The following IRX4 variants were observed in gnomAD, a reference collection of about 807,000 sequenced individuals.
IRX4 encodes the protein iroquois homeobox 4.
A neutral mutation model predicts 32.0 loss-of-function variants in IRX4; 22 were observed. The observed-to-expected ratio is 0.69, with a 90% CI of 0.49 to 0.98. The LOEUF is 0.98. IRX4 is among the 50% of genes least tolerant of loss of function. The pLI is 0.00. For synonymous variants in IRX4, 379 were observed against 351.7 expected (o/e 1.08, Z -0.87); for missense variants, 840 against 744.2 (o/e 1.13, Z -1.50).
intron 3 of IRX4, 104 bp downstream of exon 3, chr5:1,880,621 C>T: frequency 1.3e-6 from 1 of 789,632 alleles, no homozygotes; most frequent in South Asian, 1.5e-5. Flanking sequence ...TCTCTTCCTG[C>T]CTCCCGCCTT....
Position 1,880,800 on chromosome 5 carries a change from G to T in IRX4, c.332C>A (p.Ala111Glu). The stretch of plus-strand genomic sequence containing the variant: ...AGCGGCTGGTGCCAGGCCCCCATGC[G>T]CAGATCCCGAACCATCCTTGGAATC... ...SFDSKDGSGS[A>E]HGGLAPAAAA... The change falls in exon 3 of 5, where the codon GCG becomes GAG. Residue 111 changes from alanine to glutamate, a missense_variant. Around this residue, in one of 3 missense-constraint regions of IRX4, gnomAD observed 241 missense variants for 220.8 expected, o/e 1.09. Transcript: ENST00000231357. 6.2e-7 allele frequency: 1 copy of T among 1,613,692 alleles called. No individual in the cohort carries two copies. The highest frequency in any genetic ancestry group is 8.5e-7 in the Non-Finnish European group (1 of 1,179,960).
In IRX4 at chr5:1,882,118, C is replaced by A. The variant is rs1478289036; in HGVS notation, c.46-59G>T. ...CCGGGCTGGAGGCTGGGGCCCTGGGCCTTGCCAATCCCGCGCGCCGCCCAC... is the reference window on the plus strand; with the variant it reads ...CCGGGCTGGAGGCTGGGGCCCTGGGACTTGCCAATCCCGCGCGCCGCCCAC... On this transcript the variant is annotated intron_variant, in intron 1 of 4. Transcript: ENST00000231357. 10 of 1,501,048 alleles carry A rather than the reference C, an allele frequency of 6.7e-6. No homozygotes were observed. The Admixed American group carries it at 1.7e-4, about 25-fold the overall frequency. 93.0% of individuals were successfully genotyped at this position (1,501,048 alleles called of 1,614,324 possible).
At chr5:1,886,218 CAGG>C (rs1735624749), upstream of IRX4, among the ~76,000 whole-genome samples, 1 of 152,266 alleles carries the variant, frequency 6.6e-6, no homozygotes, top group Non-Finnish European at 1.5e-5. Context: ...CCTGGTGCTT[CAGG>C]AGTTACCCTG....
upstream of IRX4, among the ~76,000 whole-genome samples, chr5:1,885,082 G>A (rs945879054): frequency 6.6e-6 from 1 of 152,196 alleles, no homozygotes; most frequent in African/African-American, 2.4e-5. Context: ...CTCGGCGACT[G>A]TGAGCACTCC....
chr5:1,882,024 G>C lies in IRX4; in HGVS notation c.81C>G (p.Cys27Trp). The C allele has an allele frequency of 1.9e-6, 3 of 1,549,306 alleles. No homozygotes were observed. Among genetic ancestry groups the C allele is most frequent in the Admixed American group, 4.0e-5 (2 of 50,498 alleles). ...CCGCCAGCGTGCGGCCTCCGGACTC[G>C]CAGCACGTGCTCAGGGAGTTGGTGG... ...LMATNSLSTCCESGGRTLADS... is the reference protein window; with the variant it reads ...LMATNSLSTCWESGGRTLADS... Residue 27 changes from cysteine (C) to tryptophan (W), a missense_variant, in exon 2 of 5, where the codon TGC becomes TGG. By Grantham distance (215) the Cys-to-Trp change is radical (BLOSUM62 -2). Coordinates refer to ENST00000231357, the MANE Select transcript of IRX4 (RefSeq NM_016358.3).
At chr5:1,882,104 G>T (rs763032547) in intron 1 of IRX4, 45 bp from the exon 2 acceptor site, 67 of 1,531,068 alleles carry the variant, frequency 4.4e-5, no homozygotes, top group Non-Finnish European at 5.0e-5. Context: ...CGGGCTGGAG[G>T]CTGGGGCCCT....
At chr5:1,879,108 C>G (rs2111436646) in intron 4 of IRX4, among the ~76,000 whole-genome samples, 1 of 152,084 alleles carries the variant, frequency 6.6e-6, no homozygotes. Context: ...TCTCCTGCCT[C>G]AGCCTCCCGA....
Position 1,878,124 on chromosome 5 carries a change from G to A in IRX4, c.1405C>T (p.Pro469Ser). 6.5e-7 allele frequency: 1 copy of A among 1,546,876 alleles called. No individual in the cohort carries two copies. The highest frequency in any genetic ancestry group is 1.4e-5 in the African/African-American group (1 of 73,394). ...TAKGALLDPG[P>S]LGRSLGAGAN... The stretch of plus-strand genomic sequence containing the variant: ...CCCGCCCCCAGCGAGCGTCCCAGAG[G>A]CCCGGGGTCCAGGAGGGCGCCCTTG... Residue 469 changes from proline to serine, a missense_variant, in exon 5 of 5, where the codon CCT (proline) becomes TCT (serine). Around this residue, in one of 3 missense-constraint regions of IRX4, gnomAD observed 585 missense variants for 488.0 expected, o/e 1.20. Transcript: ENST00000231357.
chr5:1,880,773 GCAGCGGCTGGTGC>G lies in IRX4; in HGVS notation c.346_358del (p.Ala116ProfsTer65). Reference sequence around the variant, plus strand: ...AGCTGGCTCGTAAGGGTAGTAGGCGGCAGCGGCTGGTGCCAGGCCCCCATGCGCAGATCCCGAA... The same window carrying G: ...AGCTGGCTCGTAAGGGTAGTAGGCGGCAGGCCCCCATGCGCAGATCCCGAA... On this transcript the variant is annotated frameshift_variant, in exon 3 of 5. Transcript: ENST00000231357. LOFTEE classifies it high-confidence loss of function. 1.2e-6 allele frequency: 2 copies of G among 1,613,738 alleles called. No individual in the cohort carries two copies. Among genetic ancestry groups the G allele is most frequent in the Middle Eastern group, 1.6e-4 (1 of 6,062 alleles).
chr5:1,878,456 G>GC lies in IRX4; in HGVS notation c.1072dup (p.Ala358GlyfsTer8). ...CGGCTTAGCCTCCAGGCCTGCCGAC[G>GC]CCCCCGCCGGCACAAACCCCAGCTT... On this transcript the variant is annotated frameshift_variant, in exon 5 of 5. Coordinates refer to ENST00000231357, the MANE Select transcript of IRX4 (RefSeq NM_016358.3). LOFTEE classifies it low-confidence loss of function (END_TRUNC). 1 of 1,453,052 alleles carries GC rather than the reference G, an allele frequency of 6.9e-7. No homozygotes were observed. The highest frequency in any genetic ancestry group is 9.0e-7 in the Non-Finnish European group (1 of 1,108,598). The allele number at this position is 1,453,052 out of a possible 1,614,324, so 90.0% of individuals were successfully genotyped here.
At position 1,877,938 on chromosome 5, in the gene IRX4, G is replaced by C; in HGVS notation, c.*31C>G. ...AGTCGGCGCCGTCCGCCTGAGCGCGGGTTCCCTCCTGGGCTCGGGACCCGC... is the reference window on the plus strand; with the variant it reads ...AGTCGGCGCCGTCCGCCTGAGCGCGCGTTCCCTCCTGGGCTCGGGACCCGC... On this transcript the variant is annotated 3_prime_UTR_variant, in exon 5 of 5. Transcript: ENST00000231357. The C allele has an allele frequency of 6.7e-7, 1 of 1,484,174 alleles. No individual in the cohort carries two copies. 91.9% of individuals were successfully genotyped at this position (1,484,174 alleles called of 1,614,324 possible). A position where few individuals can be genotyped will look rare whatever the true frequency, so the allele number is the denominator to read the frequency against.
Position 1,879,775 on chromosome 5 carries a change from G to T in IRX4, c.465C>A (p.Ser155Arg), listed in dbSNP as rs2111439833. 6.2e-7 allele frequency: 1 copy of T among 1,614,182 alleles called. No individual in the cohort carries two copies. Among genetic ancestry groups the T allele is most frequent in the Admixed American group, 1.7e-5 (1 of 60,036 alleles). ...RRKNATRETT[S>R]TLKAWLQEHR... is the part of the protein sequence containing the mutation. ...GCTCCTGCAGCCAGGCCTTGAGCGT[G>T]CTGGTGGTCTCGCGCGTGGCGTTCT... is the stretch of plus-strand genomic sequence containing the variant. The change falls in exon 4 of 5, where the codon AGC (serine) becomes AGA (arginine). Residue 155 changes from serine to arginine, a missense_variant. This residue lies in a region of IRX4 where 241 missense variants were observed against 220.8 expected (regional missense o/e 1.09). Transcript: ENST00000231357.
intron 2 of IRX4, among the ~76,000 whole-genome samples, chr5:1,881,423 A>G: frequency 6.7e-6 from 1 of 149,618 alleles, no homozygotes. Context: ...GATGAGTCAG[A>G]GAGGGGCTGG....
intron 3 of IRX4, 102 bp from the exon 4 acceptor site, chr5:1,879,934 T>C (rs1371933150): frequency 2.6e-6 from 4 of 1,545,502 alleles, no homozygotes; most frequent in South Asian, 1.2e-5. Context: ...GGATGGGCTT[T>C]GCTTCCCCGT....
chr5:1,881,347 G>GC (rs1015432127), intron 2 of IRX4, among the ~76,000 whole-genome samples: 7 of 117,006 alleles, frequency 6.0e-5, no homozygotes, highest in Non-Finnish European at 1.2e-4. Flanking sequence ...TGGGGGAGGA[G>GC]CAAGGAGGGG....
In IRX4 at chr5:1,879,684, G is replaced by A. The variant is rs1237447437; in HGVS notation, c.556C>T (p.Leu186Phe). Reference sequence around the variant, plus strand: ...GCGAACCAGGTGGAGACCTGTGTGAGGGTCATCTTGGTGATGATGGCCAGC... The same window carrying A: ...GCGAACCAGGTGGAGACCTGTGTGAAGGTCATCTTGGTGATGATGGCCAGC... Reference protein sequence around the residue: ...IMLAIITKMTLTQVSTWFANA... With the variant: ...IMLAIITKMTFTQVSTWFANA... Residue 186 changes from leucine (L) to phenylalanine (F), a missense_variant, in exon 4 of 5, where the codon CTC becomes TTC. This residue lies in a region of IRX4 where 585 missense variants were observed against 488.0 expected (regional missense o/e 1.20). Coordinates refer to ENST00000231357, the MANE Select transcript of IRX4 (RefSeq NM_016358.3). The A allele has an allele frequency of 1.2e-6, 2 of 1,614,230 alleles. No individual in the cohort carries two copies. The highest frequency in any genetic ancestry group is 1.7e-6 in the Non-Finnish European group (2 of 1,180,036).
At chr5:1,879,883 C>T (rs763779598) in intron 3 of IRX4, 51 bp from the exon 4 acceptor site, 14 of 1,605,570 alleles carry the variant, frequency 8.7e-6, no homozygotes, top group Non-Finnish European at 1.2e-5. Context: ...GGGCCCCAGG[C>T]ATCATGGGCA....
chr5:1,885,938 G>C (rs1735614786), upstream of IRX4, among the ~76,000 whole-genome samples: 1 of 152,246 alleles, frequency 6.6e-6, no homozygotes, highest in African/African-American at 2.4e-5. Flanking sequence ...AAATACACCC[G>C]TGAGCAGGTG....
Position 1,879,858 on chromosome 5 carries a change from C to T in IRX4, c.408-26G>A, listed in dbSNP as rs2232377. 434 of 1,611,808 alleles carry T rather than the reference C, an allele frequency of 2.7e-4. No homozygotes were observed. The African/African-American group carries it at 5.1e-3, about 19-fold the overall frequency. On this transcript the variant is annotated intron_variant, in intron 3 of 4. Transcript: ENST00000231357. ...CTGGAGACAGGCTCTGCAATGGGCT[C>T]AGGCTGGGCCCTCTGGGCCCCAGGC...
Sources: gnomAD v4.1 joint callset for allele counts (sites outside exome capture counted in the v4.1 genomes callset) on GRCh38, gnomAD v4.1.1 for gene constraint, gnomAD v4.1.1 regional missense constraint, MANE v1.5 for transcripts, NCBI Gene and HGNC (gene_info 2026-07-23, HGNC 2026-07-21) for gene names.